EPB41L3: variants seen among roughly 807,000 people sequenced by gnomAD.
EPB41L3 encodes band 4.1-like protein 3.
Under a neutral mutation model 127.1 loss-of-function variants are expected in EPB41L3, and 57 were observed. That is an observed-to-expected ratio of 0.45 (90% CI 0.36 to 0.56). The LOEUF (loss-of-function observed/expected upper bound fraction) is 0.56. EPB41L3 is among the 20% of genes least tolerant of loss of function. The pLI is 0.00. For synonymous variants in EPB41L3, 572 were observed against 549.5 expected (o/e 1.04, Z -0.57); for missense variants, 1,273 against 1,372.2 (o/e 0.93, Z 1.14).
intron 1 of EPB41L3, among the ~76,000 whole-genome samples, chr18:5,501,818 A>G (rs1162677965): frequency 6.6e-6 from 1 of 152,020 alleles, no homozygotes; most frequent in African/African-American, 2.4e-5. Flanking sequence ...ATGGATGGAG[A>G]CTATAAAGAA....
intron 9 of EPB41L3, among the ~76,000 whole-genome samples, chr18:5,425,364 T>C (rs1163240866): frequency 1.3e-5 from 2 of 152,208 alleles, no homozygotes; most frequent in Admixed American, 6.5e-5. Context: ...TGGATGTTCA[T>C]GTGCAGTGGT....
rs116596083 is a variant in EPB41L3, at chr18:5,420,628, A to G, written c.1340-751T>C. Among the ~76,000 whole-genome samples, 1,100 of 152,350 alleles carry G rather than the reference A, an allele frequency of 7.2e-3. 16 individuals carry two copies. Among genetic ancestry groups the G allele is most frequent in the African/African-American group, 0.022 (910 of 41,580 alleles). Reference sequence around the variant, plus strand: ...AATGTTGCTAAATGAAATTCATGCAAATGCAAAACATGCAAACTCAAGAGA... The same window carrying G: ...AATGTTGCTAAATGAAATTCATGCAGATGCAAAACATGCAAACTCAAGAGA... On this transcript the variant is annotated intron_variant, in intron 11 of 22. Transcript: ENST00000341928.
chr18:5,393,995 G>T (rs952353032), intron 22 of EPB41L3: 1 of 154,338 alleles, frequency 6.5e-6, no homozygotes, highest in African/African-American at 2.4e-5. Flanking sequence ...CATGATGCTG[G>T]CCAAACAGTC....
chr18:5,543,185 C>T lies in EPB41L3; in HGVS notation c.-12+728G>A, dbSNP rs185185263. On this transcript the variant is annotated intron_variant, in intron 1 of 22. Coordinates refer to ENST00000341928, the MANE Select transcript of EPB41L3 (RefSeq NM_012307.5). The surrounding 1 kb of genome is among the most constrained non-coding windows in gnomAD (Gnocchi z 5.2). Reference sequence around the variant, plus strand: ...CGGCAGGTGCCCAGGCCCAGGGCAACCCCGCTTGGACGCTCCCTCCTCCTC... The same window carrying T: ...CGGCAGGTGCCCAGGCCCAGGGCAATCCCGCTTGGACGCTCCCTCCTCCTC... The T allele has an allele frequency of 2.0e-5, 3 of 151,242 alleles. No individual in the cohort carries two copies. In the South Asian group the frequency reaches 6.2e-4, roughly 31 times the overall value. 9.4% of individuals were successfully genotyped at this position (151,242 alleles called of 1,614,324 possible).
intron 3 of EPB41L3, among the ~76,000 whole-genome samples, chr18:5,592,909 A>G (rs2094499093): frequency 6.6e-6 from 1 of 152,226 alleles, no homozygotes; most frequent in African/African-American, 2.4e-5. Context: ...TTAAAAAAGA[A>G]AACAACTTTG....
At chr18:5,579,436 C>T (rs1015763730) in intron 3 of EPB41L3, among the ~76,000 whole-genome samples, 1 of 152,186 alleles carries the variant, frequency 6.6e-6, no homozygotes, top group Non-Finnish European at 1.5e-5. Context: ...GAATACATAT[C>T]ATTAACCAAA....
At chr18:5,622,101 T>G (rs536391124) in intron 1 of EPB41L3, among the ~76,000 whole-genome samples, 2 of 152,146 alleles carry the variant, frequency 1.3e-5, no homozygotes, top group Non-Finnish European at 2.9e-5. Flanking sequence ...AAAATTACAT[T>G]TAAATATACT....
At chr18:5,627,808 C>T (rs1021599289) in intron 1 of EPB41L3, among the ~76,000 whole-genome samples, 4 of 152,186 alleles carry the variant, frequency 2.6e-5, no homozygotes, top group Non-Finnish European at 5.9e-5. Context: ...AGGTCATAGC[C>T]TAGCTGCAAA....
chr18:5,411,070 T>C (rs1339041820), intron 13 of EPB41L3, among the ~76,000 whole-genome samples: 1 of 152,266 alleles, frequency 6.6e-6, no homozygotes, highest in Admixed American at 6.5e-5. Context: ...AAAAAGCTAC[T>C]GTAACAGTCA....
intron 1 of EPB41L3, among the ~76,000 whole-genome samples, chr18:5,490,334 G>C (rs2090435191): frequency 6.6e-6 from 1 of 152,072 alleles, no homozygotes; most frequent in African/African-American, 2.4e-5. Flanking sequence ...TAGTGCTTTA[G>C]GCAAATTATA....
intron 1 of EPB41L3, among the ~76,000 whole-genome samples, chr18:5,503,224 T>C (rs1208101172): frequency 6.6e-6 from 1 of 152,210 alleles, no homozygotes. Flanking sequence ...AAAAAGTTAA[T>C]TATAATATAA....
chr18:5,526,770 T>C (rs1598653907), intron 1 of EPB41L3, among the ~76,000 whole-genome samples: 1 of 151,014 alleles, frequency 6.6e-6, no homozygotes, highest in East Asian at 1.9e-4. Context: ...ACCACCAATA[T>C]CTATCTTTAT....
chr18:5,614,415 C>T (rs566552305), exon 2 of EPB41L3: 94 of 152,224 alleles, frequency 6.2e-4, no homozygotes, highest in African/African-American at 2.2e-3. Context: ...TTTTGTCTCC[C>T]AATACCTCCT....
At chr18:5,447,525 TTCTC>T (rs922253673) in intron 3 of EPB41L3, among the ~76,000 whole-genome samples, 3 of 150,608 alleles carry the variant, frequency 2.0e-5, no homozygotes, top group Non-Finnish European at 4.4e-5. Flanking sequence ...GCCAAATACT[TTCTC>T]TATGTGTAAA....
chr18:5,528,608 T>G (rs961385674), intron 1 of EPB41L3, among the ~76,000 whole-genome samples: 2 of 152,122 alleles, frequency 1.3e-5, no homozygotes, highest in Non-Finnish European at 2.9e-5. Flanking sequence ...TTTTCTTTGT[T>G]TTTTGTTTTG....
At chr18:5,433,331 C>T (rs951441691) in intron 8 of EPB41L3, 138 bp downstream of exon 8, 13 of 646,406 alleles carry the variant, frequency 2.0e-5, no homozygotes, top group Non-Finnish European at 3.5e-5. Context: ...TGGAGTAGGG[C>T]TTAAAAGACA....
At chr18:5,491,098 G>T (rs1452666218) in intron 1 of EPB41L3, among the ~76,000 whole-genome samples, 2 of 152,234 alleles carry the variant, frequency 1.3e-5, no homozygotes, top group Non-Finnish European at 2.9e-5. Flanking sequence ...TGTGGATTAA[G>T]ACTGGACCAA....
intron 3 of EPB41L3, among the ~76,000 whole-genome samples, chr18:5,596,317 C>T (rs1231856324): frequency 6.6e-6 from 1 of 152,178 alleles, no homozygotes; most frequent in African/African-American, 2.4e-5. Flanking sequence ...CTAACAAGTC[C>T]CAGGTAAGGC....
chr18:5,621,087 G>A (rs529882361), intron 1 of EPB41L3, among the ~76,000 whole-genome samples: 6 of 152,276 alleles, frequency 3.9e-5, no homozygotes, highest in Middle Eastern at 3.4e-3. Flanking sequence ...AGGGAAGCAG[G>A]AGAACACATC....
Sources: gnomAD v4.1 joint callset for allele counts (sites outside exome capture counted in the v4.1 genomes callset) on GRCh38, gnomAD v4.1.1 for gene constraint, Gnocchi (gnomAD v3.1) non-coding constraint, MANE v1.5 for transcripts, NCBI Gene and HGNC (gene_info 2026-07-23, HGNC 2026-07-21) for gene names.